Variants in USP6NL observed in about 807,000 individuals in gnomAD.
The protein encoded by USP6NL is USP6 N-terminal like.
Under a neutral mutation model 61.9 loss-of-function variants are expected in USP6NL, and 26 were observed. The ratio of observed to expected loss-of-function variants is 0.42; its 90% CI spans 0.31 to 0.58. USP6NL has a LOEUF of 0.58. Ranked by LOEUF, USP6NL falls within the 20% of genes least tolerant of loss-of-function variation. The pLI, the probability that USP6NL is intolerant of heterozygous loss-of-function variation, is 0.16. For synonymous variants in USP6NL, 432 were observed against 390.1 expected (o/e 1.11, Z -1.27); for missense variants, 1,114 against 1,034.3 (o/e 1.08, Z -1.06).
chr10:11,610,930 A>G (rs1838868956), intron 1 of USP6NL, among the ~76,000 whole-genome samples: 1 of 152,142 alleles, frequency 6.6e-6, no homozygotes, highest in African/African-American at 2.4e-5. Flanking sequence ...GCGCCAAACT[A>G]TTTTGCAAAC....
intron 13 of USP6NL, 119 bp downstream of exon 13, chr10:11,484,851 CA>C: frequency 8.7e-5 from 64 of 737,134 alleles, no homozygotes; most frequent in Middle Eastern, 4.0e-4. Flanking sequence ...CACTGATTTT[CA>C]AAAAAAATTT....
intron 4 of USP6NL, among the ~76,000 whole-genome samples, chr10:11,521,391 T>G (rs928793854): frequency 1.4e-5 from 2 of 148,010 alleles, no homozygotes; most frequent in African/African-American, 4.9e-5. Flanking sequence ...TTTTTTAAAT[T>G]TTTTTTTTAG....
intron 2 of USP6NL, among the ~76,000 whole-genome samples, chr10:11,571,751 C>A (rs1588399605): frequency 1.4e-5 from 2 of 148,128 alleles, no homozygotes; most frequent in East Asian, 2.0e-4. Flanking sequence ...TAAGATGTAA[C>A]AATATTCTGC....
At position 11,562,596 on chromosome 10, in the gene USP6NL, T is replaced by C. The variant is rs535501954; in HGVS notation, c.5-35029A>G. 2.2e-4 allele frequency: 219 copies of C among 985,406 alleles called. No homozygotes were observed. The highest frequency in any genetic ancestry group is 2.5e-4 in the Non-Finnish European group (211 of 829,924). 61.0% of individuals were successfully genotyped at this position (985,406 alleles called of 1,614,324 possible). A position where few individuals can be genotyped will look rare whatever the true frequency, so the allele number is the denominator to read the frequency against. Reference sequence around the variant, plus strand: ...TTCAGCCACTCAGCCAGGTTTTAAATTACTTGCAACTAAATGTAATTCTAA... The same window carrying C: ...TTCAGCCACTCAGCCAGGTTTTAAACTACTTGCAACTAAATGTAATTCTAA... On this transcript the variant is annotated intron_variant, in intron 2 of 14. Coordinates refer to ENST00000609104, the MANE Select transcript of USP6NL (RefSeq NM_014688.5). This position sits in a 1 kb window ranked among gnomAD's most constrained non-coding sequence, Gnocchi z 4.8.
rs1460667046 is a variant in USP6NL, at chr10:11,463,031, T to A, written c.1897A>T (p.Ser633Cys). 2 of 1,613,490 alleles carry A rather than the reference T, an allele frequency of 1.2e-6. No homozygotes were observed. Among genetic ancestry groups the A allele is most frequent in the African/African-American group, 2.7e-5 (2 of 74,810 alleles). Residue 633 changes from serine (S) to cysteine (C), a missense_variant, in exon 15 of 15, where the codon AGC becomes TGC. Ser to Cys is a moderately radical substitution (Grantham distance 112, BLOSUM62 -1). Transcript: ENST00000609104. This position sits in a 1 kb window ranked among gnomAD's most constrained non-coding sequence, Gnocchi z 6.3. ...ARGLAHPPSYSNPPVYHGNSP... is the reference protein window; with the variant it reads ...ARGLAHPPSYCNPPVYHGNSP... ...TTTCCGTGGTAAACGGGGGGATTGC[T>A]GTAGGAGGGGGGATGAGCTAGCCCT... is the stretch of plus-strand genomic sequence containing the variant.
Position 11,476,475 on chromosome 10 carries a change from AGTTTCAAAAAAT to A in USP6NL, c.1078+5283_1078+5294del, listed in dbSNP as rs2133201464. On this transcript the variant is annotated intron_variant, in intron 14 of 14. Transcript: ENST00000609104. This position sits in a 1 kb window ranked among gnomAD's most constrained non-coding sequence, Gnocchi z 4.3. ...TGTTTGAAAAGTTTCACAATAAAAA[AGTTTCAAAAAAT>A]GTTTCAACAGCAACTACAAAACATA... 6.6e-6 allele frequency among the ~76,000 whole-genome samples: 1 copy of A among 152,368 alleles called. No individual in the cohort carries two copies. The highest frequency in any genetic ancestry group is 2.1e-4 in the South Asian group (1 of 4,830).
At position 11,518,733 on chromosome 10, in the gene USP6NL, T is replaced by G. The variant is rs975339562; in HGVS notation, c.156-159A>C. ...GAATTCAATATGAAATGATAGCTAC[T>G]CTAGAACCACAGGGCCACCTATCTT... On this transcript the variant is annotated intron_variant, in intron 4 of 14. Transcript: ENST00000609104. The surrounding 1 kb of genome is among the most constrained non-coding windows in gnomAD (Gnocchi z 5.3). 2.6e-5 allele frequency among the ~76,000 whole-genome samples: 4 copies of G among 152,346 alleles called. No individual in the cohort carries two copies. The highest frequency in any genetic ancestry group is 3.4e-3 in the Middle Eastern group (1 of 294).
At chr10:11,555,026 G>A (rs891885557) in intron 2 of USP6NL, among the ~76,000 whole-genome samples, 14 of 141,036 alleles carry the variant, frequency 9.9e-5, no homozygotes, top group Admixed American at 5.2e-4. Context: ...GGATGGTCTC[G>A]ATCTCCTGAC....
intron 2 of USP6NL, among the ~76,000 whole-genome samples, chr10:11,576,738 G>A (rs1043116161): frequency 6.6e-6 from 1 of 152,146 alleles, no homozygotes; most frequent in African/African-American, 2.4e-5. Flanking sequence ...CATCCCATTG[G>A]TTAAATTGAC....
rs185334811 is a variant in USP6NL, at chr10:11,571,176, C to T, written c.4+26455G>A. Among the ~76,000 whole-genome samples, 487 of 152,006 alleles carry T rather than the reference C, an allele frequency of 3.2e-3. 2 individuals carry two copies. Among genetic ancestry groups the T allele is most frequent in the African/African-American group, 0.011 (444 of 41,456 alleles). On this transcript the variant is annotated intron_variant, in intron 2 of 14. Coordinates refer to ENST00000609104, the MANE Select transcript of USP6NL (RefSeq NM_014688.5). ...TCAGCTCACCGCAACCTCTGCCTCC[C>T]GGGTTCAAGCGATTCTCCTGCCTCA...
rs1833597776 is a variant in USP6NL at position 11,489,030 on chromosome 10, C to A, written c.664+72G>T. On this transcript the variant is annotated intron_variant, in intron 10 of 14. Transcript: ENST00000609104. This position sits in a 1 kb window ranked among gnomAD's most constrained non-coding sequence, Gnocchi z 5.7. ...ATTTGCTGTATGTAACTCTTGCAAG[C>A]ATCTTTGGTTTTGTTTTAATCTACT... is the stretch of plus-strand genomic sequence containing the variant. The A allele has an allele frequency of 6.3e-7, 1 of 1,576,580 alleles. No homozygotes were observed. The highest frequency in any genetic ancestry group is 1.2e-5 in the South Asian group (1 of 85,936).
intron 14 of USP6NL, among the ~76,000 whole-genome samples, chr10:11,467,366 GC>G (rs1283448580): frequency 6.6e-6 from 1 of 152,196 alleles, no homozygotes; most frequent in Non-Finnish European, 1.5e-5. Flanking sequence ...ACTACTGTGG[GC>G]TTGGAGAAAC....
rs750151201 is a variant in USP6NL, at chr10:11,462,901, G to A, written c.2027C>T (p.Ser676Phe). ...AGATTTCTCCGGAGAAGCACTGACG[G>A]AAAGAGTAGAACCATGAGGTCTCCT... ...PSRRPHGSTL[S>F]VSASPEKSYS... Residue 676 changes from serine (S) to phenylalanine (F), a missense_variant, in exon 15 of 15, where the codon TCC becomes TTC. Coordinates refer to ENST00000609104, the MANE Select transcript of USP6NL (RefSeq NM_014688.5). 44 of 1,613,480 alleles carry A rather than the reference G, an allele frequency of 2.7e-5. No homozygotes were observed. The highest frequency in any genetic ancestry group is 3.5e-5 in the Non-Finnish European group (41 of 1,179,706).
rs991342513 is a variant in USP6NL at position 11,591,786 on chromosome 10, G to C, written c.4+5845C>G. Among the ~76,000 whole-genome samples the C allele has an allele frequency of 2.6e-5, 4 of 152,094 alleles. No individual in the cohort carries two copies. Among genetic ancestry groups the C allele is most frequent in the African/African-American group, 9.7e-5 (4 of 41,420 alleles). On this transcript the variant is annotated intron_variant, in intron 2 of 14. Coordinates refer to ENST00000609104, the MANE Select transcript of USP6NL (RefSeq NM_014688.5). The surrounding 1 kb of genome is among the most constrained non-coding windows in gnomAD (Gnocchi z 4.7). Reference sequence around the variant, plus strand: ...AAAAGAAAATATATAAGAAAAGAATGTAAACCACCTCCCAAAAAATTTTTA... The same window carrying C: ...AAAAGAAAATATATAAGAAAAGAATCTAAACCACCTCCCAAAAAATTTTTA...
At chr10:11,584,061 CAA>C (rs1315198652) in intron 2 of USP6NL, among the ~76,000 whole-genome samples, 1 of 151,888 alleles carries the variant, frequency 6.6e-6, no homozygotes, top group Non-Finnish European at 1.5e-5. Flanking sequence ...GCATTTAACA[CAA>C]AATTAGCTGG....
rs1026495736 is a variant in USP6NL at position 11,528,793 on chromosome 10, T to C, written c.5-1226A>G. On this transcript the variant is annotated intron_variant, in intron 2 of 14. Transcript: ENST00000609104. This position sits in a 1 kb window ranked among gnomAD's most constrained non-coding sequence, Gnocchi z 4.6. Reference sequence around the variant, plus strand: ...CTTGAAATCCCCTCCTCAAAGCAAATGGTGGTTCCTAAGGAGAGGTGGGGT... The same window carrying C: ...CTTGAAATCCCCTCCTCAAAGCAAACGGTGGTTCCTAAGGAGAGGTGGGGT... 6.6e-6 allele frequency among the ~76,000 whole-genome samples: 1 copy of C among 151,942 alleles called. No homozygotes were observed. The highest frequency in any genetic ancestry group is 6.6e-5 in the Admixed American group (1 of 15,246).
intron 2 of USP6NL, among the ~76,000 whole-genome samples, chr10:11,557,284 G>C (rs1332518767): frequency 6.6e-6 from 1 of 152,116 alleles, no homozygotes; most frequent in African/African-American, 2.4e-5. Context: ...TAATAGAAAG[G>C]ATTAAGGAAT....
chr10:11,462,701 A>G lies in USP6NL; in HGVS notation c.2227T>C (p.Tyr743His). ...GATTGTCCCTGCGTCTCAGGTCTGTATGTATAACTAACTTCTGACCATGTT... is the reference window on the plus strand; with the variant it reads ...GATTGTCCCTGCGTCTCAGGTCTGTGTGTATAACTAACTTCTGACCATGTT... ...NRTWSEVSYT[Y>H]RPETQGQSWT... is the part of the protein sequence containing the mutation. The change falls in exon 15 of 15, where the codon TAC becomes CAC. Residue 743 changes from tyrosine (Y) to histidine (H), a missense_variant. Transcript: ENST00000609104. 3 of 1,614,014 alleles carry G rather than the reference A, an allele frequency of 1.9e-6. No homozygotes were observed. The highest frequency in any genetic ancestry group is 2.5e-6 in the Non-Finnish European group (3 of 1,179,894).
chr10:11,514,475 G>T (rs11257140), intron 5 of USP6NL, among the ~76,000 whole-genome samples: 11,971 of 152,006 alleles, frequency 0.079, 680 homozygotes, highest in East Asian at 0.16. Flanking sequence ...TTGATTCCAT[G>T]ATTATAATCC....
Sources: gnomAD v4.1 joint callset for allele counts (sites outside exome capture counted in the v4.1 genomes callset) on GRCh38, gnomAD v4.1.1 for gene constraint, Gnocchi (gnomAD v3.1) non-coding constraint, MANE v1.5 for transcripts, NCBI Gene and HGNC (gene_info 2026-07-23, HGNC 2026-07-21) for gene names.